Variants in SCARA5 observed in about 807,000 individuals in gnomAD.
SCARA5 encodes the protein scavenger receptor class A member 5, also known as scavenger receptor class A, member 5 (putative).
SCARA5 carries 45 observed loss-of-function variants against 46.3 expected under a neutral mutation model. The observed-to-expected ratio is 0.97, with a 90% CI of 0.76 to 1.24. The LOEUF (loss-of-function observed/expected upper bound fraction) is 1.24. Ranked by LOEUF, SCARA5 falls within the 50% of genes most tolerant of loss-of-function variation. The pLI is 0.00. For synonymous variants in SCARA5, 333 were observed against 306.5 expected (o/e 1.09, Z -0.90); for missense variants, 680 against 689.0 (o/e 0.99, Z 0.15).
intron 7 of SCARA5, among the ~76,000 whole-genome samples, chr8:27,897,261 AG>A (rs920413940): frequency 1.3e-5 from 2 of 152,128 alleles, no homozygotes; most frequent in African/African-American, 4.8e-5. Flanking sequence ...GTGACATCAA[AG>A]GCTCCCGGGG....
chr8:27,943,037 T>A (rs1807977088), intron 3 of SCARA5, among the ~76,000 whole-genome samples: 1 of 152,182 alleles, frequency 6.6e-6, no homozygotes, highest in Admixed American at 6.5e-5. Context: ...TTCCATTCTG[T>A]TCCCTGCTGG....
Position 27,987,517 on chromosome 8 carries a change from G to A in SCARA5, c.99C>T (p.Asn33=), listed in dbSNP as rs753070224. The A allele has an allele frequency of 3.1e-6, 5 of 1,612,870 alleles. No homozygotes were observed. Among genetic ancestry groups the A allele is most frequent in the East Asian group, 4.5e-5 (2 of 44,870 alleles). The stretch of plus-strand genomic sequence containing the variant: ...AGCTGCACTCACCATCCTCACACAG[G>A]TTCAGCTTGGACAGGCTCCTGCCAT... ...SFDGRSLSKL[N]LCEDGPCHKR... is the part of the protein sequence containing the mutation. The change falls in exon 2 of 9, where the codon AAC becomes AAT. Residue 33 remains asparagine, a synonymous_variant. Transcript: ENST00000354914.
rs1368040267 is a variant in SCARA5, at chr8:27,870,894, C to T, written c.*1040G>A. ...CTCCAAACAGCTGAGACACACATGACTTGGCTTTAACCGTGACTGCCCAAT... is the reference window on the plus strand; with the variant it reads ...CTCCAAACAGCTGAGACACACATGATTTGGCTTTAACCGTGACTGCCCAAT... On this transcript the variant is annotated 3_prime_UTR_variant, in exon 9 of 9. Transcript: ENST00000354914. 1.3e-5 allele frequency: 2 copies of T among 152,240 alleles called. No individual in the cohort carries two copies. The highest frequency in any genetic ancestry group is 4.8e-5 in the African/African-American group (2 of 41,450). 9.4% of individuals were successfully genotyped at this position (152,240 alleles called of 1,614,324 possible).
chr8:27,940,760 GTCCATCCA>G lies in SCARA5; in HGVS notation c.242-18523_242-18516del, dbSNP rs60443615. Among the ~76,000 whole-genome samples, 777 of 128,350 alleles carry G rather than the reference GTCCATCCA, an allele frequency of 6.1e-3. 10 individuals carry two copies. The highest frequency in any genetic ancestry group is 0.022 in the African/African-American group (738 of 33,472). The allele number at this position is 128,350 out of a possible 152,430, so 84.2% of individuals were successfully genotyped here. A position where few individuals can be genotyped will look rare whatever the true frequency, so the allele number is the denominator to read the frequency against. On this transcript the variant is annotated intron_variant, in intron 3 of 8. Coordinates refer to ENST00000354914, the MANE Select transcript of SCARA5 (RefSeq NM_173833.6). ...TGCCCATCCACCCACCCAACCATCT[GTCCATCCA>G]TCCATCCATCCATCCATCCATCCAT...
intron 7 of SCARA5, among the ~76,000 whole-genome samples, chr8:27,900,303 G>A (rs1390666580): frequency 3.9e-5 from 6 of 152,156 alleles, no homozygotes; most frequent in Admixed American, 6.5e-5. Context: ...AAGGGAGTCC[G>A]AGGACTCCAA....
At chr8:27,974,896 C>A (rs1808500044) in intron 2 of SCARA5, among the ~76,000 whole-genome samples, 1 of 137,580 alleles carries the variant, frequency 7.3e-6, no homozygotes, top group South Asian at 2.7e-4. Context: ...AAGTCTATAT[C>A]ATCCTGGTCA....
chr8:27,934,669 C>T lies in SCARA5; in HGVS notation c.242-12424G>A, dbSNP rs561636540. ...TGACTGGGTCATGGATTCATCTCCC[C>T]CAGAGCTCTTCCTTGCATTAACCAC... On this transcript the variant is annotated intron_variant, in intron 3 of 8. Coordinates refer to ENST00000354914, the MANE Select transcript of SCARA5 (RefSeq NM_173833.6). 6.8e-4 allele frequency among the ~76,000 whole-genome samples: 104 copies of T among 152,328 alleles called. 1 individual carries two copies. Among genetic ancestry groups the T allele is most frequent in the Admixed American group, 1.8e-3 (27 of 15,302 alleles).
intron 3 of SCARA5, among the ~76,000 whole-genome samples, chr8:27,959,691 C>T (rs1007050217): frequency 3.3e-5 from 5 of 152,148 alleles, no homozygotes; most frequent in African/African-American, 4.8e-5. Context: ...TGATTTGTTC[C>T]GGCAAGAAGA....
chr8:27,923,116 A>C (rs1807624982), intron 3 of SCARA5, among the ~76,000 whole-genome samples: 1 of 152,230 alleles, frequency 6.6e-6, no homozygotes. Flanking sequence ...CCAGGGTAAA[A>C]ATTTACAGCA....
chr8:27,967,891 T>C (rs771303975), intron 2 of SCARA5, among the ~76,000 whole-genome samples: 5 of 151,980 alleles, frequency 3.3e-5, no homozygotes, highest in Non-Finnish European at 5.9e-5. Flanking sequence ...CCAGCCTGGG[T>C]GTCACAGTAA....
At chr8:27,896,058 TG>T (rs1212333109) in intron 7 of SCARA5, among the ~76,000 whole-genome samples, 21 of 152,154 alleles carry the variant, frequency 1.4e-4, no homozygotes, top group African/African-American at 4.8e-4. Flanking sequence ...GTGGCCTGGG[TG>T]GACAAGTGAA....
chr8:27,922,329 G>A, intron 3 of SCARA5, 84 bp from the exon 4 acceptor site: 1 of 912,260 alleles, frequency 1.1e-6, no homozygotes, highest in East Asian at 2.8e-5. Context: ...TCAGAGCCTG[G>A]CATGCAGTAG....
At chr8:27,980,600 A>G (rs1585526183) in intron 2 of SCARA5, among the ~76,000 whole-genome samples, 1 of 151,556 alleles carries the variant, frequency 6.6e-6, no homozygotes, top group Non-Finnish European at 1.5e-5. Context: ...GTGCCTCTGT[A>G]CCCCCTCCCT....
chr8:27,929,006 A>T (rs1259765060), intron 3 of SCARA5, among the ~76,000 whole-genome samples: 2 of 152,164 alleles, frequency 1.3e-5, no homozygotes, highest in Admixed American at 6.5e-5. Flanking sequence ...CTTTGAAGGG[A>T]GTGAGTTCCT....
chr8:27,961,243 G>C (rs1321809565), intron 3 of SCARA5, among the ~76,000 whole-genome samples: 1 of 152,186 alleles, frequency 6.6e-6, no homozygotes, highest in Non-Finnish European at 1.5e-5. Context: ...CATGGGGGTG[G>C]ATACCCTCAT....
intron 3 of SCARA5, among the ~76,000 whole-genome samples, chr8:27,961,734 G>T (rs1396374416): frequency 2.0e-5 from 3 of 152,118 alleles, no homozygotes; most frequent in Non-Finnish European, 2.9e-5. Flanking sequence ...CTTCTTAAAT[G>T]CTGTAATGTC....
At chr8:27,878,148 C>T (rs971606209) in intron 8 of SCARA5, among the ~76,000 whole-genome samples, 19 of 152,182 alleles carry the variant, frequency 1.2e-4, no homozygotes, top group African/African-American at 4.3e-4. Flanking sequence ...CACCAGGGGG[C>T]CTGGTAACTG....
At chr8:27,941,800 C>CACTATT (rs1807949299) in intron 3 of SCARA5, among the ~76,000 whole-genome samples, 2 of 135,312 alleles carry the variant, frequency 1.5e-5, no homozygotes, top group Non-Finnish European at 3.1e-5. Context: ...TTTACATCAT[C>CACTATT]ATTATTATTA....
At chr8:27,991,958 A>C (rs533330451) in intron 1 of SCARA5, among the ~76,000 whole-genome samples, 1 of 152,258 alleles carries the variant, frequency 6.6e-6, no homozygotes, top group Non-Finnish European at 1.5e-5. Flanking sequence ...CTGCACCCTG[A>C]GTAGGCTCTT....
Sources: gnomAD v4.1 joint callset for allele counts (sites outside exome capture counted in the v4.1 genomes callset) on GRCh38, gnomAD v4.1.1 for gene constraint, MANE v1.5 for transcripts, NCBI Gene and HGNC (gene_info 2026-07-23, HGNC 2026-07-21) for gene names.